Variants in ATF7 observed in about 807,000 individuals in gnomAD.
ATF7 encodes the protein cyclic AMP-dependent transcription factor ATF-7.
ATF7 carries 10 observed loss-of-function variants against 50.4 expected under a neutral mutation model. That is an observed-to-expected ratio of 0.20 (90% CI 0.12 to 0.34). The LOEUF (loss-of-function observed/expected upper bound fraction) is 0.34. Ranked by LOEUF, ATF7 falls within the 10% of genes least tolerant of loss-of-function variation. ATF7 has a pLI of 1.00. For synonymous variants in ATF7, 201 were observed against 226.4 expected, an observed-to-expected ratio of 0.89 and a Z score of 1.01; for missense variants, 465 against 613.9, an observed-to-expected ratio of 0.76 and a Z score of 2.56.
intron 2 of ATF7, among the ~76,000 whole-genome samples, chr12:53,556,188 C>T (rs185120754): frequency 7.2e-5 from 11 of 152,324 alleles, no homozygotes; most frequent in African/African-American, 1.4e-4. Flanking sequence ...AATGTACTTA[C>T]GATGTTGGCC....
At chr12:53,539,356 A>C (rs1009177131) in intron 4 of ATF7, among the ~76,000 whole-genome samples, 2 of 152,160 alleles carry the variant, frequency 1.3e-5, no homozygotes, top group Non-Finnish European at 2.9e-5. Context: ...AGGTGGGAGG[A>C]TCACCTGAGG....
intron 1 of ATF7, among the ~76,000 whole-genome samples, chr12:53,623,947 A>C (rs1485027555): frequency 1.3e-5 from 2 of 152,230 alleles, no homozygotes; most frequent in Non-Finnish European, 2.9e-5. Flanking sequence ...AAATTACAAC[A>C]CTGAAACTAC....
At chr12:53,552,038 T>C (rs1276130146) in intron 3 of ATF7, among the ~76,000 whole-genome samples, 1 of 152,208 alleles carries the variant, frequency 6.6e-6, no homozygotes, top group East Asian at 1.9e-4. Flanking sequence ...CTAAATGTCT[T>C]GTTTGAGCTT....
chr12:53,600,255 A>G (rs1943335765), intron 2 of ATF7, among the ~76,000 whole-genome samples: 1 of 152,240 alleles, frequency 6.6e-6, no homozygotes, highest in African/African-American at 2.4e-5. Flanking sequence ...GAGGTTCACA[A>G]TGAGTGGGTA....
At chr12:53,537,964 A>G (rs1052655520) in intron 4 of ATF7, among the ~76,000 whole-genome samples, 2 of 151,854 alleles carry the variant, frequency 1.3e-5, no homozygotes, top group Non-Finnish European at 2.9e-5. Context: ...CACCTGCCTC[A>G]GCCTCCCAAA....
chr12:53,564,353 G>A (rs1941320128), intron 2 of ATF7, among the ~76,000 whole-genome samples: 1 of 152,166 alleles, frequency 6.6e-6, no homozygotes, highest in African/African-American at 2.4e-5. Context: ...TCCAGCCTGG[G>A]CGACAGAGCA....
chr12:53,597,967 T>C (rs981709857), intron 2 of ATF7, among the ~76,000 whole-genome samples: 1 of 152,176 alleles, frequency 6.6e-6, no homozygotes, highest in Non-Finnish European at 1.5e-5. Context: ...TCCTGGGATT[T>C]ACATAGCCTT....
At chr12:53,568,409 C>T (rs1941569982) in intron 2 of ATF7, among the ~76,000 whole-genome samples, 1 of 152,248 alleles carries the variant, frequency 6.6e-6, no homozygotes, top group Non-Finnish European at 1.5e-5. Flanking sequence ...CACTCTCTCT[C>T]TCTCTTTCTC....
chr12:53,623,867 AGG>A (rs1378473273), intron 1 of ATF7, among the ~76,000 whole-genome samples: 9 of 152,254 alleles, frequency 5.9e-5, no homozygotes. Flanking sequence ...AAATGAGGAA[AGG>A]AAAGAGAACA....
intron 5 of ATF7, among the ~76,000 whole-genome samples, 151 bp from the exon 6 acceptor site, chr12:53,534,810 T>A (rs1324420885): frequency 1.3e-5 from 2 of 152,186 alleles, no homozygotes; most frequent in African/African-American, 4.8e-5. Flanking sequence ...CAGGGACCCA[T>A]AACTCACTCA....
intron 2 of ATF7, among the ~76,000 whole-genome samples, chr12:53,582,664 C>T (rs746431845): frequency 8.5e-5 from 13 of 152,272 alleles, no homozygotes; most frequent in East Asian, 3.9e-4. Context: ...CTGCAAGCTC[C>T]GCCTCCTGGG....
Position 53,516,879 on chromosome 12 carries a change from C to G in ATF7, c.*258G>C. Reference sequence around the variant, plus strand: ...TGATTGTTCGGACCATCTGGAAAGGCCTTTGGCTGTGGATGCATCAGAAAC... The same window carrying G: ...TGATTGTTCGGACCATCTGGAAAGGGCTTTGGCTGTGGATGCATCAGAAAC... On this transcript the variant is annotated 3_prime_UTR_variant, in exon 12 of 12. Transcript: ENST00000420353. 1 of 536,024 alleles carries G rather than the reference C, an allele frequency of 1.9e-6. No individual in the cohort carries two copies. Among genetic ancestry groups the G allele is most frequent in the Non-Finnish European group, 3.4e-6 (1 of 295,614 alleles). 33.2% of individuals were successfully genotyped at this position (536,024 alleles called of 1,614,324 possible).
At chr12:53,550,273 G>A (rs559109857) in intron 3 of ATF7, among the ~76,000 whole-genome samples, 2 of 149,006 alleles carry the variant, frequency 1.3e-5, no homozygotes, top group Admixed American at 6.8e-5. Context: ...GTGGTGAGCC[G>A]AGATTACGCC....
At chr12:53,559,567 T>C (rs1397110374) in intron 2 of ATF7, among the ~76,000 whole-genome samples, 1 of 151,052 alleles carries the variant, frequency 6.6e-6, no homozygotes, top group Non-Finnish European at 1.5e-5. Flanking sequence ...TAGTCCCAGC[T>C]ACTCGGGAGG....
chr12:53,533,714 G>A (rs1939041134), intron 6 of ATF7, among the ~76,000 whole-genome samples: 1 of 152,128 alleles, frequency 6.6e-6, no homozygotes, highest in South Asian at 2.1e-4. Flanking sequence ...TGGGTCCAGA[G>A]AACAATAAGC....
chr12:53,537,402 G>T lies in ATF7; in HGVS notation c.402+13C>A, dbSNP rs375679598. Reference sequence around the variant, plus strand: ...CAATTAACATTTGAGATGATCCTTGGTAGAGAATTTACCTTCTCCTTCAGT... The same window carrying T: ...CAATTAACATTTGAGATGATCCTTGTTAGAGAATTTACCTTCTCCTTCAGT... On this transcript the variant is annotated intron_variant, in intron 5 of 11. Coordinates refer to ENST00000420353, the MANE Select transcript of ATF7 (RefSeq NM_006856.3). 1.6e-5 allele frequency: 26 copies of T among 1,612,886 alleles called. No individual in the cohort carries two copies. Among genetic ancestry groups the T allele is most frequent in the Middle Eastern group, 1.7e-4 (1 of 5,932 alleles).
chr12:53,532,651 A>AG (rs779219830), intron 7 of ATF7, 28 bp from the exon 8 acceptor site: 60 of 1,454,564 alleles, frequency 4.1e-5, no homozygotes, highest in Non-Finnish European at 5.2e-5. Context: ...AAAAAAAAAA[A>AG]AGAGAAGGGA....
chr12:53,602,843 G>A (rs1254518400), intron 1 of ATF7, among the ~76,000 whole-genome samples: 1 of 152,078 alleles, frequency 6.6e-6, no homozygotes, highest in Non-Finnish European at 1.5e-5. Context: ...ACTACAACAT[G>A]CTACAAAAAA....
Position 53,517,326 on chromosome 12 carries a change from C to G in ATF7, c.1263G>C (p.Thr421=). 6.2e-7 allele frequency: 1 copy of G among 1,613,818 alleles called. No homozygotes were observed. Among genetic ancestry groups the G allele is most frequent in the Non-Finnish European group, 8.5e-7 (1 of 1,179,860 alleles). ...GCTGAATCACAGGGGCTGGAGAACC[C>G]GTTGGCTCTGAGCTTTCCTTGGGGC... ...LESPKESSEP[T]GSPAPVIQHS... Residue 421 remains threonine (T), a synonymous_variant, in exon 12 of 12, where the codon ACG becomes ACC. Coordinates refer to ENST00000420353, the MANE Select transcript of ATF7 (RefSeq NM_006856.3).
Sources: allele counts gnomAD v4.1 joint callset (sites outside exome capture counted in the v4.1 genomes callset), GRCh38; gene constraint gnomAD v4.1.1; transcripts MANE v1.5; gene names NCBI Gene and HGNC (gene_info 2026-07-23, HGNC 2026-07-21).